CA10: variants seen among roughly 807,000 people sequenced by gnomAD.
CA10 encodes carbonic anhydrase-related protein 10.
A neutral mutation model predicts 44.2 loss-of-function variants in CA10; 14 were observed. That is an observed-to-expected ratio of 0.32 (90% CI 0.21 to 0.50). The LOEUF (loss-of-function observed/expected upper bound fraction) is 0.50. Ranked by LOEUF, CA10 falls within the 20% of genes least tolerant of loss-of-function variation. The probability of loss-of-function intolerance (pLI) is 0.99; values close to 1 mark genes in which losing one functional copy is unlikely to be tolerated. For synonymous variants in CA10, 159 were observed against 141.6 expected (o/e 1.12, Z -0.87); for missense variants, 350 against 409.7 (o/e 0.85, Z 1.26).
intron 3 of CA10, among the ~76,000 whole-genome samples, chr17:51,877,841 G>A (rs1388448411): frequency 1.3e-5 from 2 of 151,918 alleles, no homozygotes; most frequent in African/African-American, 4.8e-5. Context: ...AGGTAAAGAG[G>A]TATAAAAACA....
chr17:51,823,647 G>A (rs9893250), intron 3 of CA10, among the ~76,000 whole-genome samples: 9,156 of 152,180 alleles, frequency 0.06, 778 homozygotes, highest in African/African-American at 0.19. Flanking sequence ...CTGAACCAGT[G>A]GATGATGACA....
At position 51,916,827 on chromosome 17, in the gene CA10, T is replaced by TG. The variant is rs530404985; in HGVS notation, c.279+14162dup. Reference sequence around the variant, plus strand: ...GGAATGAGGTAGTGCCAACTGGGCCTGGGGGACCTGAAATACAGGGCACAG... The same window carrying TG: ...GGAATGAGGTAGTGCCAACTGGGCCTGGGGGGACCTGAAATACAGGGCACAG... On this transcript the variant is annotated intron_variant, in intron 3 of 8. Transcript: ENST00000451037. Among the ~76,000 whole-genome samples the TG allele has an allele frequency of 9.6e-3, 1,460 of 152,272 alleles. 8 individuals are homozygous for TG. Among genetic ancestry groups the TG allele is most frequent in the Middle Eastern group, 0.02 (6 of 294 alleles).
In CA10 at chr17:51,670,606, C is replaced by T. The variant is rs139399255; in HGVS notation, c.466-16870G>A. 2.2e-3 allele frequency among the ~76,000 whole-genome samples: 337 copies of T among 152,206 alleles called. 1 individual carries two copies. The highest frequency in any genetic ancestry group is 7.9e-3 in the African/African-American group (330 of 41,534). ...CAGTGATCCCTGAGCTCCATTCCAG[C>T]TCTTTCTCTGGATTTATCTGTAGCA... is the stretch of plus-strand genomic sequence containing the variant. On this transcript the variant is annotated intron_variant, in intron 4 of 8. Transcript: ENST00000451037.
At chr17:51,937,570 G>T (rs1029794661) in intron 2 of CA10, among the ~76,000 whole-genome samples, 2 of 151,996 alleles carry the variant, frequency 1.3e-5, no homozygotes, top group Middle Eastern at 3.2e-3. Context: ...AACCTCTAAG[G>T]AATTGCATAT....
intron 2 of CA10, among the ~76,000 whole-genome samples, chr17:51,955,521 A>G (rs1172365869): frequency 6.6e-6 from 1 of 152,118 alleles, no homozygotes; most frequent in Non-Finnish European, 1.5e-5. Context: ...TCTCTTGGGC[A>G]TGCTTTTACT....
chr17:51,795,065 G>A (rs1567841996), intron 3 of CA10, among the ~76,000 whole-genome samples: 1 of 152,216 alleles, frequency 6.6e-6, no homozygotes, highest in Non-Finnish European at 1.5e-5. Context: ...CTATGGCTCA[G>A]TTTCATTTAC....
intron 2 of CA10, among the ~76,000 whole-genome samples, chr17:52,042,614 T>G (rs918371928): frequency 6.6e-6 from 1 of 152,026 alleles, no homozygotes; most frequent in Non-Finnish European, 1.5e-5. Flanking sequence ...GTAGTCCAAC[T>G]TGTTTATTTT....
intron 2 of CA10, among the ~76,000 whole-genome samples, chr17:52,026,664 A>G (rs575660803): frequency 6.6e-6 from 1 of 152,278 alleles, no homozygotes; most frequent in African/African-American, 2.4e-5. Flanking sequence ...AGCAACAAGG[A>G]GAAGTGCCAA....
intron 2 of CA10, among the ~76,000 whole-genome samples, chr17:52,019,254 G>A (rs914007157): frequency 6.6e-6 from 1 of 152,056 alleles, no homozygotes; most frequent in Non-Finnish European, 1.5e-5. Flanking sequence ...TTTAAAATTA[G>A]GGTAAAGAGT....
intron 3 of CA10, among the ~76,000 whole-genome samples, chr17:51,892,891 G>C (rs535840768): frequency 1.3e-5 from 2 of 152,216 alleles, no homozygotes; most frequent in Admixed American, 1.3e-4. Context: ...CTGGAACAAC[G>C]CTAGCAGCTG....
chr17:52,063,844 G>A lies in CA10; in HGVS notation c.136+8475C>T, dbSNP rs188156246. ...ATTTACGGAAACACAAATGGAATAAGACAGCCCCCAACATTCCTACCTCAT... is the reference window on the plus strand; with the variant it reads ...ATTTACGGAAACACAAATGGAATAAAACAGCCCCCAACATTCCTACCTCAT... On this transcript the variant is annotated intron_variant, in intron 2 of 8. Transcript: ENST00000451037. Among the ~76,000 whole-genome samples, 85 of 152,276 alleles carry A rather than the reference G, an allele frequency of 5.6e-4. 1 individual carries two copies. The highest frequency in any genetic ancestry group is 1.9e-3 in the African/African-American group (81 of 41,558).
chr17:51,676,846 G>A (rs1432197768), intron 4 of CA10, among the ~76,000 whole-genome samples: 1 of 152,002 alleles, frequency 6.6e-6, no homozygotes, highest in African/African-American at 2.4e-5. Flanking sequence ...AATAACCCAG[G>A]GTTATCTTAG....
chr17:51,953,369 C>T (rs775371590), intron 2 of CA10, among the ~76,000 whole-genome samples: 5 of 151,964 alleles, frequency 3.3e-5, no homozygotes, highest in Non-Finnish European at 7.4e-5. Flanking sequence ...AATTGTATTC[C>T]ATTACACTCT....
intron 1 of CA10, among the ~76,000 whole-genome samples, chr17:52,107,105 C>T (rs987574673): frequency 6.6e-6 from 1 of 152,136 alleles, no homozygotes; most frequent in Non-Finnish European, 1.5e-5. Flanking sequence ...TCACATGGGC[C>T]TACCCTCTCA....
chr17:51,781,308 G>C (rs1249080389), intron 3 of CA10, among the ~76,000 whole-genome samples: 1 of 152,212 alleles, frequency 6.6e-6, no homozygotes, highest in Non-Finnish European at 1.5e-5. Context: ...GACATTTACT[G>C]AGTGTTGTAA....
chr17:52,061,608 GTT>G (rs1987387939), intron 2 of CA10, among the ~76,000 whole-genome samples: 3 of 152,086 alleles, frequency 2.0e-5, no homozygotes, highest in Admixed American at 2.0e-4. Context: ...TTCCCCACAT[GTT>G]GTTCTCATGA....
intron 2 of CA10, among the ~76,000 whole-genome samples, chr17:52,063,584 G>C (rs185234989): frequency 6.6e-6 from 1 of 152,200 alleles, no homozygotes; most frequent in East Asian, 1.9e-4. Flanking sequence ...GTTCCTGTAA[G>C]AGCTTGTTAA....
At chr17:51,761,035 A>C (rs1025680018) in intron 3 of CA10, among the ~76,000 whole-genome samples, 5 of 152,166 alleles carry the variant, frequency 3.3e-5, no homozygotes, top group African/African-American at 1.2e-4. Context: ...GCCATACTGG[A>C]AGTGCAGCCT....
chr17:51,631,350 G>T lies in CA10; in HGVS notation c.*234C>A. 1 of 572,782 alleles carries T rather than the reference G, an allele frequency of 1.7e-6. No homozygotes were observed. Among genetic ancestry groups the T allele is most frequent in the Non-Finnish European group, 3.1e-6 (1 of 318,054 alleles). 35.5% of individuals were successfully genotyped at this position (572,782 alleles called of 1,614,324 possible). On this transcript the variant is annotated 3_prime_UTR_variant, in exon 9 of 9. Transcript: ENST00000451037. ...AGTGTGTGTGTGTGTAGGTATGTTT[G>T]CATGTGTTTGTATGTATGTGCAAGT...
Sources: allele counts gnomAD v4.1 joint callset (sites outside exome capture counted in the v4.1 genomes callset), GRCh38; gene constraint gnomAD v4.1.1; transcripts MANE v1.5; gene names NCBI Gene and HGNC (gene_info 2026-07-23, HGNC 2026-07-21).